Variants in YBEY observed in about 807,000 individuals in gnomAD.
YBEY encodes ybeY metalloendoribonuclease, also known as endoribonuclease YbeY.
YBEY carries 15 observed loss-of-function variants against 13.5 expected under a neutral mutation model. That is an observed-to-expected ratio of 1.11 (90% CI 0.75 to 1.72). YBEY has a LOEUF of 1.72. Ranked by LOEUF, YBEY falls within the 40% of genes most tolerant of loss-of-function variation. The pLI, the probability that YBEY is intolerant of heterozygous loss-of-function variation, is 0.00. For synonymous variants in YBEY, 101 were observed against 83.1 expected, an observed-to-expected ratio of 1.21 and a Z score of -1.17; for missense variants, 244 against 208.4, an observed-to-expected ratio of 1.17 and a Z score of -1.05.
downstream of YBEY, chr21:46,302,705 A>T (rs1055482346): frequency 3.0e-5 from 22 of 741,800 alleles, no homozygotes; most frequent in African/African-American, 2.6e-4. Flanking sequence ...GCAGGCTCTG[A>T]GTCCGTCTGC....
chr21:46,311,684 C>T, the YBEY span: 1 of 523,002 alleles, frequency 1.9e-6, no homozygotes, highest in Admixed American at 3.2e-5. Flanking sequence ...ACCATCCACC[C>T]ATCCATCCAA....
chr21:46,303,232 AG>A, the YBEY span, among the ~76,000 whole-genome samples: 1 of 151,874 alleles, frequency 6.6e-6, no homozygotes, highest in African/African-American at 2.4e-5. Context: ...CCAGCTACTC[AG>A]GAGGCTGAGG....
the YBEY span, among the ~76,000 whole-genome samples, chr21:46,306,069 CAAA>C: frequency 3.0e-4 from 37 of 122,412 alleles, no homozygotes; most frequent in Admixed American, 4.0e-4. Flanking sequence ...CACTGTGACT[CAAA>C]AAAAAAAAAA....
chr21:46,301,991 A>G, downstream of YBEY: 1 of 1,520,182 alleles, frequency 6.6e-7, no homozygotes, highest in Non-Finnish European at 8.8e-7. Flanking sequence ...GGTCTCTGTG[A>G]CTCACACTCA....
intron 4 of YBEY, among the ~76,000 whole-genome samples, chr21:46,296,623 A>C (rs2081961483): frequency 6.6e-6 from 1 of 152,180 alleles, no homozygotes; most frequent in Admixed American, 6.5e-5. Flanking sequence ...TCCGGTCCAC[A>C]TGGTTAACAC....
chr21:46,287,956 G>T (rs186514945), intron 2 of YBEY, among the ~76,000 whole-genome samples: 1 of 151,344 alleles, frequency 6.6e-6, no homozygotes, highest in Non-Finnish European at 1.5e-5. Context: ...AGGTTGCAGT[G>T]AGCTGAGATC....
the YBEY span, among the ~76,000 whole-genome samples, chr21:46,310,298 G>C: frequency 6.6e-6 from 1 of 151,922 alleles, no homozygotes; most frequent in African/African-American, 2.4e-5. Flanking sequence ...CCAACATAGT[G>C]AAACCCCTGT....
downstream of YBEY, among the ~76,000 whole-genome samples, chr21:46,298,781 G>A (rs1275394133): frequency 6.6e-6 from 1 of 151,692 alleles, no homozygotes; most frequent in East Asian, 1.9e-4. Flanking sequence ...CTGGAGTGCA[G>A]TGGTGCAGTC....
intron 3 of YBEY, among the ~76,000 whole-genome samples, chr21:46,292,585 C>T (rs1404372144): frequency 3.9e-5 from 4 of 101,604 alleles, no homozygotes; most frequent in African/African-American, 1.3e-4. Context: ...AAATTCCTCC[C>T]GCGGTTAGCC....
At chr21:46,287,991 A>G (rs2145757411) in intron 2 of YBEY, among the ~76,000 whole-genome samples, 1 of 151,226 alleles carries the variant, frequency 6.6e-6, no homozygotes, top group South Asian at 2.1e-4. Flanking sequence ...CAGCCTGGGC[A>G]AGAAGAGCGA....
downstream of YBEY, chr21:46,301,961 G>T: frequency 6.8e-7 from 1 of 1,479,488 alleles, no homozygotes. Flanking sequence ...AAGCCTGGGG[G>T]TGGAGGGTGC....
At chr21:46,288,683 GAAAA>G (rs11420581) in intron 2 of YBEY, among the ~76,000 whole-genome samples, 1 of 131,586 alleles carries the variant, frequency 7.6e-6, no homozygotes, top group African/African-American at 3.0e-5. Context: ...GTCTCAAAAA[GAAAA>G]AAAAAAAAAG....
At chr21:46,302,354 G>T, downstream of YBEY, 1 of 1,058,322 alleles carries the variant, frequency 9.4e-7, no homozygotes, top group East Asian at 2.6e-5. Flanking sequence ...GGGGATGGGG[G>T]CTTCACAGCC....
Position 46,291,421 on chromosome 21 carries a change from C to T in YBEY, c.298C>T (p.His100Tyr). ...TTTCCTAGGAGTGGAGTATATCTTCCATCAGTGTAAAGAAAATGAAGATTA... is the reference window on the plus strand; with the variant it reads ...TTTCCTAGGAGTGGAGTATATCTTCTATCAGTGTAAAGAAAATGAAGATTA... ...DIFLGVEYIF[H>Y]QCKENEDYND... The change falls in exon 3 of 5, where the codon CAT becomes TAT. Residue 100 changes from histidine (H) to tyrosine (Y), a missense_variant. Transcript: ENST00000397701. The T allele has an allele frequency of 1.2e-6, 2 of 1,614,052 alleles. No homozygotes were observed. Among genetic ancestry groups the T allele is most frequent in the Non-Finnish European group, 1.7e-6 (2 of 1,180,006 alleles).
chr21:46,304,799 G>A, the YBEY span, among the ~76,000 whole-genome samples: 1 of 152,214 alleles, frequency 6.6e-6, no homozygotes, highest in Non-Finnish European at 1.5e-5. Flanking sequence ...GGAATCTTGA[G>A]CGGGGACGGA....
intron 3 of YBEY, among the ~76,000 whole-genome samples, chr21:46,294,569 GATTAA>G (rs771132165): frequency 1.5e-5 from 1 of 67,182 alleles, no homozygotes; most frequent in African/African-American, 6.6e-5. Flanking sequence ...TTAAACTCTA[GATTAA>G]ATTCCTCCCG....
intron 4 of YBEY, among the ~76,000 whole-genome samples, chr21:46,296,483 T>C (rs2081955438): frequency 6.6e-6 from 1 of 152,154 alleles, no homozygotes; most frequent in South Asian, 2.1e-4. Flanking sequence ...CACGTGGCGC[T>C]TGGTCAAAAA....
At chr21:46,297,458 G>T in intron 4 of YBEY, 81 bp from the exon 5 acceptor site, 6 of 1,256,002 alleles carry the variant, frequency 4.8e-6, no homozygotes, top group Non-Finnish European at 6.1e-6. Context: ...CCTGTGGGAG[G>T]GGCATCCCGA....
chr21:46,295,487 TTCCTCC>T lies in YBEY; in HGVS notation c.340-663_340-658del, dbSNP rs143683373. ...CAGGGTCCACAGGCCCTCCCTCCTC[TTCCTCC>T]TCCTCCTCCTCTTCCCCCAGCTCTG... is the stretch of plus-strand genomic sequence containing the variant. On this transcript the variant is annotated intron_variant, in intron 3 of 4. Coordinates refer to ENST00000397701, the MANE Select transcript of YBEY (RefSeq NM_001314025.2). 2.6e-4 allele frequency among the ~76,000 whole-genome samples: 40 copies of T among 151,770 alleles called. 1 individual carries two copies. In the East Asian group the frequency reaches 6.2e-3, roughly 24 times the overall value.
Sources: allele counts gnomAD v4.1 joint callset (sites outside exome capture counted in the v4.1 genomes callset), GRCh38; gene constraint gnomAD v4.1.1; transcripts MANE v1.5; gene names NCBI Gene and HGNC (gene_info 2026-07-23, HGNC 2026-07-21).